The following SH2D3C variants were observed in gnomAD, a reference collection of about 807,000 sequenced individuals.
The protein encoded by SH2D3C is SH2 domain containing 3C, also known as SH2 domain-containing protein 3C.
In SH2D3C, 25 loss-of-function variants were observed where a neutral mutation model predicts 75.2. That is an observed-to-expected ratio of 0.33 (90% CI 0.24 to 0.46). SH2D3C has a LOEUF of 0.46. Ranked by LOEUF, SH2D3C falls within the 20% of genes least tolerant of loss-of-function variation. SH2D3C has a pLI of 1.00. For missense variants in SH2D3C, 933 were observed against 1,165.3 expected (o/e 0.80, Z 2.90); for synonymous variants, 450 against 473.7 (o/e 0.95, Z 0.65).
At chr9:127,748,169 GA>G (rs1845089457) in intron 5 of SH2D3C, among the ~76,000 whole-genome samples, 1 of 152,208 alleles carries the variant, frequency 6.6e-6, no homozygotes, top group African/African-American at 2.4e-5. Context: ...GGTCTGGGGA[GA>G]GGGGCTAGCA....
chr9:127,760,986 C>T (rs1181105127), intron 3 of SH2D3C, among the ~76,000 whole-genome samples: 2 of 151,982 alleles, frequency 1.3e-5, no homozygotes, highest in African/African-American at 2.4e-5. Context: ...ATTACAGGCA[C>T]GCACCACCAC....
At chr9:127,755,064 G>A (rs904586447) in intron 3 of SH2D3C, 8 of 1,183,198 alleles carry the variant, frequency 6.8e-6, no homozygotes, top group African/African-American at 1.6e-5. Context: ...GGCGGGGGCC[G>A]AGCCGCCCCC....
intron 2 of SH2D3C, among the ~76,000 whole-genome samples, chr9:127,770,495 C>A (rs1845713633): frequency 6.6e-6 from 1 of 152,146 alleles, no homozygotes; most frequent in Admixed American, 6.5e-5. Flanking sequence ...TCTGAGATCT[C>A]ATGGGCCAGG....
Position 127,739,612 on chromosome 9 carries a change from A to C in SH2D3C, c.2407+70T>G. 7.2e-7 allele frequency: 1 copy of C among 1,395,816 alleles called. No homozygotes were observed. The highest frequency in any genetic ancestry group is 9.9e-7 in the Non-Finnish European group (1 of 1,010,380). The allele number at this position is 1,395,816 out of a possible 1,614,324, so 86.5% of individuals were successfully genotyped here. A position where few individuals can be genotyped will look rare whatever the true frequency, so the allele number is the denominator to read the frequency against. On this transcript the variant is annotated intron_variant, in intron 11 of 11. Transcript: ENST00000314830. This position sits in a 1 kb window ranked among gnomAD's most constrained non-coding sequence, Gnocchi z 4.3. ...AATGTGAATGGATGCCTTGGAGAAA[A>C]GGGAAGCAGTGAGGCAGGTGGAGGG...
rs958323959 is a variant in SH2D3C at position 127,743,250 on chromosome 9, G to A, written c.1801-286C>T. Among the ~76,000 whole-genome samples the A allele has an allele frequency of 3.9e-5, 6 of 152,244 alleles. No homozygotes were observed. In the South Asian group the frequency reaches 8.3e-4, roughly 21 times the overall value. On this transcript the variant is annotated intron_variant, in intron 7 of 11. Coordinates refer to ENST00000314830, the MANE Select transcript of SH2D3C (RefSeq NM_170600.3). ...GGGCGGGGTGGCTCACGCCTGTAAT[G>A]CCAGCACTTTGGGAGGCCAAGGTGG... is the stretch of plus-strand genomic sequence containing the variant.
At chr9:127,764,124 G>A (rs1274821718) in intron 2 of SH2D3C, among the ~76,000 whole-genome samples, 2 of 152,184 alleles carry the variant, frequency 1.3e-5, no homozygotes, top group African/African-American at 4.8e-5. Flanking sequence ...ACTTCCCCTC[G>A]GGCTCTGGGA....
At chr9:127,771,416 C>A (rs1295913918) in intron 2 of SH2D3C, 8 of 1,283,606 alleles carry the variant, frequency 6.2e-6, no homozygotes, top group African/African-American at 1.6e-5. Context: ...ACTCCACCGG[C>A]AGGGAAGGAC....
intron 6 of SH2D3C, among the ~76,000 whole-genome samples, chr9:127,746,605 C>A (rs1045260486): frequency 2.0e-5 from 3 of 152,152 alleles, no homozygotes; most frequent in African/African-American, 7.2e-5. Flanking sequence ...GAGTTCGAGA[C>A]CACCCTGGCC....
At chr9:127,777,706 C>T (rs1428211469) in intron 1 of SH2D3C, among the ~76,000 whole-genome samples, 1 of 152,062 alleles carries the variant, frequency 6.6e-6, no homozygotes, top group East Asian at 1.9e-4. Flanking sequence ...GATCGAGAGA[C>T]GCGGTGGGGA....
intron 2 of SH2D3C, chr9:127,771,100 T>C: frequency 9.2e-7 from 1 of 1,082,966 alleles, no homozygotes; most frequent in Non-Finnish European, 1.3e-6. Context: ...CCCCCAAATT[T>C]GTCAGCTGCC....
chr9:127,742,223 TTTTGTTTG>T (rs113162363), intron 8 of SH2D3C, among the ~76,000 whole-genome samples: 48 of 151,986 alleles, frequency 3.2e-4, no homozygotes, highest in Admixed American at 5.9e-4. Flanking sequence ...TTTGTTTTGT[TTTTGTTTG>T]TTTGTTTGTT....
In SH2D3C at chr9:127,749,456, G is replaced by C. The variant is rs550235508; in HGVS notation, c.894C>G (p.Arg298=). ...ESFDHVPALV[R]YHVGSRKAVS... is the part of the protein sequence containing the mutation. ...CAGCCTTGCGGCTGCCCACATGATAGCGCACGAGGGCGGGCACGTGGTCAA... is the reference window on the plus strand; with the variant it reads ...CAGCCTTGCGGCTGCCCACATGATACCGCACGAGGGCGGGCACGTGGTCAA... Residue 298 remains arginine, a synonymous_variant, in exon 5 of 12, where the codon CGC becomes CGG. Transcript: ENST00000314830. This position sits in a 1 kb window ranked among gnomAD's most constrained non-coding sequence, Gnocchi z 5.9. The C allele has an allele frequency of 7.4e-6, 12 of 1,614,186 alleles. No individual in the cohort carries two copies. Among genetic ancestry groups the C allele is most frequent in the Non-Finnish European group, 1.0e-5 (12 of 1,180,024 alleles).
At chr9:127,766,633 G>T (rs1226482672) in intron 2 of SH2D3C, among the ~76,000 whole-genome samples, 1 of 152,164 alleles carries the variant, frequency 6.6e-6, no homozygotes, top group Non-Finnish European at 1.5e-5. Context: ...GCAGTGTCAT[G>T]ATCTCGGCTC....
Position 127,774,295 on chromosome 9 carries a change from G to A in SH2D3C, c.210C>T (p.Ser70=). ...VPKSPPAYAR[S]SDMYSHMGTM... ...TGCCCATGTGGCTGTACATGTCACT[G>A]GAGCGGGCATAGGCTGGGGGACTCT... The change falls in exon 2 of 12, where the codon TCC becomes TCT. Residue 70 remains serine (S), a synonymous_variant. Coordinates refer to ENST00000314830, the MANE Select transcript of SH2D3C (RefSeq NM_170600.3). This position sits in a 1 kb window ranked among gnomAD's most constrained non-coding sequence, Gnocchi z 4.3. 1.9e-6 allele frequency: 3 copies of A among 1,614,078 alleles called. No homozygotes were observed. The highest frequency in any genetic ancestry group is 2.5e-6 in the Non-Finnish European group (3 of 1,180,006).
At chr9:127,767,309 G>A (rs774855701) in intron 2 of SH2D3C, 2 of 1,433,442 alleles carry the variant, frequency 1.4e-6, no homozygotes. Context: ...CATCTACTGA[G>A]TGCTAGTGGA....
At chr9:127,759,285 C>A (rs4837181) in intron 3 of SH2D3C, among the ~76,000 whole-genome samples, 11,955 of 152,206 alleles carry the variant, frequency 0.079, 1,065 homozygotes, top group African/African-American at 0.22. Flanking sequence ...GTGCTATCTC[C>A]ACTCACTGCA....
intron 2 of SH2D3C, chr9:127,762,149 C>T (rs1845543526): frequency 8.6e-7 from 1 of 1,164,506 alleles, no homozygotes; most frequent in Non-Finnish European, 1.1e-6. Context: ...GGTAGAGTGA[C>T]CCAGTCACGG....
At chr9:127,766,289 C>T (rs1009880590) in intron 2 of SH2D3C, among the ~76,000 whole-genome samples, 4 of 152,220 alleles carry the variant, frequency 2.6e-5, no homozygotes, top group African/African-American at 9.6e-5. Context: ...TGGAGACCTC[C>T]CCAACCTCTG....
Position 127,741,895 on chromosome 9 carries a change from G to T in SH2D3C, c.1981C>A (p.Arg661=). Residue 661 remains arginine, a synonymous_variant, in exon 9 of 12, where the codon CGG becomes AGG. Coordinates refer to ENST00000314830, the MANE Select transcript of SH2D3C (RefSeq NM_170600.3). The part of the protein sequence containing the change: ...ILGCTGSAEE[R]AALLHKTIQL... Reference sequence around the variant, plus strand: ...ATGGTCTTGTGCAGCAGCGCTGCCCGCTCCTCCGCAGAGCCGGTGCAGCCC... The same window carrying T: ...ATGGTCTTGTGCAGCAGCGCTGCCCTCTCCTCCGCAGAGCCGGTGCAGCCC... The T allele has an allele frequency of 6.2e-7, 1 of 1,613,074 alleles. No individual in the cohort carries two copies. The highest frequency in any genetic ancestry group is 2.2e-5 in the East Asian group (1 of 44,874).
Sources: gnomAD v4.1 joint callset for allele counts (sites outside exome capture counted in the v4.1 genomes callset) on GRCh38, gnomAD v4.1.1 for gene constraint, Gnocchi (gnomAD v3.1) non-coding constraint, MANE v1.5 for transcripts, NCBI Gene and HGNC (gene_info 2026-07-23, HGNC 2026-07-21) for gene names.